CNTN4: variants seen among roughly 807,000 people sequenced by gnomAD.
The protein encoded by CNTN4 is contactin 4, also known as contactin-4.
CNTN4 carries 77 observed loss-of-function variants against 122.5 expected under a neutral mutation model. That is an observed-to-expected ratio of 0.63 (90% confidence interval 0.52 to 0.76). CNTN4 has a LOEUF of 0.76. Among genes scored for constraint, CNTN4 ranks in the 30% least tolerant of loss-of-function variants. CNTN4 has a pLI of 0.00. For missense variants in CNTN4, 1,256 were observed against 1,259.1 expected, an observed-to-expected ratio of 1.00 and a Z score of 0.04; for synonymous variants, 512 against 447.0, an observed-to-expected ratio of 1.15 and a Z score of -1.83.
chr3:2,231,225 T>G (rs144943607), intron 2 of CNTN4, among the ~76,000 whole-genome samples: 17 of 152,282 alleles, frequency 1.1e-4, no homozygotes, highest in Admixed American at 5.2e-4. Context: ...ACTAGCCACA[T>G]TGCAAATACT....
intron 3 of CNTN4, among the ~76,000 whole-genome samples, chr3:2,367,033 C>T (rs2045407110): frequency 1.3e-5 from 2 of 152,108 alleles, no homozygotes; most frequent in South Asian, 4.2e-4. Flanking sequence ...TCTCTTGAAT[C>T]TCCCTATATT....
rs1209002718 is a variant in CNTN4, at chr3:2,841,221, C to T, written c.454+21640C>T. Among the ~76,000 whole-genome samples, 1 of 152,176 alleles carries T rather than the reference C, an allele frequency of 6.6e-6. No individual in the cohort carries two copies. The highest frequency in any genetic ancestry group is 2.4e-5 in the African/African-American group (1 of 41,440). Reference sequence around the variant, plus strand: ...CAAAGAAGTTGGATCAAAAGAGTTACAGCTGGGTGGATTTTAACTTTTAAC... The same window carrying T: ...CAAAGAAGTTGGATCAAAAGAGTTATAGCTGGGTGGATTTTAACTTTTAAC... On this transcript the variant is annotated intron_variant, in intron 7 of 24. Transcript: ENST00000418658. This position sits in a 1 kb window ranked among gnomAD's most constrained non-coding sequence, Gnocchi z 4.8.
At chr3:2,591,750 A>C (rs1427079853) in intron 4 of CNTN4, among the ~76,000 whole-genome samples, 1 of 152,170 alleles carries the variant, frequency 6.6e-6, no homozygotes, top group Non-Finnish European at 1.5e-5. Flanking sequence ...AACGAAGAAA[A>C]ATGAGATCCC....
intron 3 of CNTN4, among the ~76,000 whole-genome samples, chr3:2,505,448 T>C (rs569714878): frequency 1.3e-5 from 2 of 152,348 alleles, no homozygotes; most frequent in Non-Finnish European, 1.5e-5. Context: ...TCTATAGTCC[T>C]ATCCAAACTT....
intron 2 of CNTN4, among the ~76,000 whole-genome samples, chr3:2,107,213 C>T (rs4389465): frequency 0.15 from 22,755 of 152,106 alleles, 2,246 homozygotes; most frequent in Admixed American, 0.28. Flanking sequence ...TCCACATTTT[C>T]GGGTATCTTT....
At chr3:2,693,674 A>C (rs1457493259) in intron 4 of CNTN4, among the ~76,000 whole-genome samples, 1 of 152,106 alleles carries the variant, frequency 6.6e-6, no homozygotes, top group Non-Finnish European at 1.5e-5. Flanking sequence ...TGATAAGAGA[A>C]ATTGCTCCAA....
At chr3:2,101,258 A>T (rs767966263) in intron 2 of CNTN4, among the ~76,000 whole-genome samples, 9 of 152,176 alleles carry the variant, frequency 5.9e-5, no homozygotes, top group Non-Finnish European at 1.3e-4. Flanking sequence ...TTTTGGCTGC[A>T]GTTTTTCTTC....
At chr3:2,180,338 A>T (rs2036959476) in intron 2 of CNTN4, among the ~76,000 whole-genome samples, 1 of 152,170 alleles carries the variant, frequency 6.6e-6, no homozygotes, top group East Asian at 1.9e-4. Context: ...CTAGAAGGGT[A>T]TGTTACTTTA....
At chr3:2,940,645 A>T (rs144880321) in intron 13 of CNTN4, among the ~76,000 whole-genome samples, 51 of 152,248 alleles carry the variant, frequency 3.3e-4, no homozygotes, top group African/African-American at 1.2e-3. Flanking sequence ...AGAAGAATGG[A>T]CTAGAAATCA....
intron 4 of CNTN4, among the ~76,000 whole-genome samples, chr3:2,588,785 TAAAA>T (rs11334608): frequency 5.1e-5 from 6 of 118,672 alleles, no homozygotes; most frequent in Admixed American, 1.7e-4. Context: ...CTTCCAGCTC[TAAAA>T]AAAAAAAAAA....
At chr3:2,171,385 T>C (rs780770721) in intron 2 of CNTN4, among the ~76,000 whole-genome samples, 1 of 152,226 alleles carries the variant, frequency 6.6e-6, no homozygotes, top group Non-Finnish European at 1.5e-5. Flanking sequence ...CGTCTTTGCA[T>C]TTTTGTCTGT....
intron 3 of CNTN4, among the ~76,000 whole-genome samples, chr3:2,446,855 G>A (rs2048643797): frequency 6.6e-6 from 1 of 152,188 alleles, no homozygotes; most frequent in Non-Finnish European, 1.5e-5. Flanking sequence ...AGAAAGCCAA[G>A]TTAAATCCAG....
chr3:3,046,893 G>A (rs1700720734), intron 23 of CNTN4, among the ~76,000 whole-genome samples: 1 of 138,170 alleles, frequency 7.2e-6, no homozygotes, highest in Admixed American at 7.2e-5. Flanking sequence ...CTCACGTGCA[G>A]GGACACACAT....
At chr3:2,668,928 A>C (rs1200811067) in intron 4 of CNTN4, among the ~76,000 whole-genome samples, 1 of 152,026 alleles carries the variant, frequency 6.6e-6, no homozygotes. Flanking sequence ...GCCTTGCATC[A>C]TAGGGATGAA....
At chr3:2,494,561 T>C (rs967634038) in intron 3 of CNTN4, among the ~76,000 whole-genome samples, 3 of 152,150 alleles carry the variant, frequency 2.0e-5, no homozygotes, top group African/African-American at 7.2e-5. Context: ...ATGTCTCTTA[T>C]CAGACCTTAA....
chr3:2,950,211 C>T (rs2094724725), intron 13 of CNTN4, among the ~76,000 whole-genome samples: 1 of 152,212 alleles, frequency 6.6e-6, no homozygotes, highest in Non-Finnish European at 1.5e-5. Context: ...GAGTGGGATG[C>T]TGTGTATTCC....
chr3:2,989,962 T>C (rs1694914096), intron 14 of CNTN4, among the ~76,000 whole-genome samples: 1 of 152,222 alleles, frequency 6.6e-6, no homozygotes, highest in South Asian at 2.1e-4. Flanking sequence ...TCTTAAATCA[T>C]AGTTAAAAGA....
intron 4 of CNTN4, among the ~76,000 whole-genome samples, chr3:2,684,847 A>G (rs2085349363): frequency 6.6e-6 from 1 of 152,212 alleles, no homozygotes; most frequent in Admixed American, 6.5e-5. Context: ...TAAAATGATA[A>G]AAGGAATCGG....
chr3:2,715,493 CA>C (rs758309098), intron 4 of CNTN4, among the ~76,000 whole-genome samples: 3 of 152,158 alleles, frequency 2.0e-5, no homozygotes, highest in Non-Finnish European at 4.4e-5. Context: ...AAGGGAATAT[CA>C]GGGGGATTTA....
Sources: gnomAD v4.1 joint callset for allele counts (sites outside exome capture counted in the v4.1 genomes callset) on GRCh38, gnomAD v4.1.1 for gene constraint, Gnocchi (gnomAD v3.1) non-coding constraint, MANE v1.5 for transcripts, NCBI Gene and HGNC (gene_info 2026-07-23, HGNC 2026-07-21) for gene names.